The following PALMD variants were observed in gnomAD, a reference collection of about 807,000 sequenced individuals.
PALMD encodes the protein paralemmin-like protein.
Under a neutral mutation model 56.2 loss-of-function variants are expected in PALMD, and 42 were observed. The observed-to-expected ratio is 0.75, with a 90% CI of 0.58 to 0.97. PALMD has a LOEUF of 0.97. Ranked by LOEUF, PALMD falls within the 50% of genes least tolerant of loss-of-function variation. The pLI is 0.00. For missense variants in PALMD, 660 were observed against 643.8 expected, an observed-to-expected ratio of 1.03 and a Z score of -0.27; for synonymous variants, 242 against 222.9, an observed-to-expected ratio of 1.09 and a Z score of -0.76.
rs1652880626 is a variant in PALMD, at chr1:99,662,921, T to G, written c.126+522T>G. The stretch of plus-strand genomic sequence containing the variant: ...ACATGAGATCATAACCAGAAATAAC[T>G]TTCCATGTTTAAAATCAGATTTTAC... On this transcript the variant is annotated intron_variant, in intron 2 of 7. Coordinates refer to ENST00000263174, the MANE Select transcript of PALMD (RefSeq NM_017734.5). Among the ~76,000 whole-genome samples, 3 of 152,142 alleles carry G rather than the reference T, an allele frequency of 2.0e-5. No homozygotes were observed. In the South Asian group the frequency reaches 6.2e-4, roughly 31 times the overall value.
intron 1 of PALMD, among the ~76,000 whole-genome samples, chr1:99,658,847 G>A (rs1652785586): frequency 6.6e-6 from 1 of 152,046 alleles, no homozygotes; most frequent in Admixed American, 6.6e-5. Context: ...TTGAGAGGCT[G>A]AGGCAGGAGG....
In PALMD at chr1:99,646,195, G is replaced by A. The variant is rs1652439954; in HGVS notation, c.-123G>A. ...TCGGGAATTTCTCTATTTCTCCACT[G>A]GTGCAAAGAGCGGATTTCTCCCTGC... On this transcript the variant is annotated 5_prime_UTR_variant, in exon 1 of 8. Coordinates refer to ENST00000263174, the MANE Select transcript of PALMD (RefSeq NM_017734.5). 1.3e-6 allele frequency: 1 copy of A among 769,290 alleles called. No individual in the cohort carries two copies. The highest frequency in any genetic ancestry group is 2.0e-5 in the Admixed American group (1 of 50,312). The allele number at this position is 769,290 out of a possible 1,614,324, so 47.7% of individuals were successfully genotyped here.
At position 99,683,150 on chromosome 1, in the gene PALMD, GAAAGAAAGAAAGAAA is replaced by G. The variant is rs1557674095; in HGVS notation, c.252-3525_252-3511del. The G allele has an allele frequency of 5.3e-3, 609 of 114,184 alleles. 35 individuals are homozygous for G. The highest frequency in any genetic ancestry group is 0.017 in the African/African-American group (324 of 19,344). The allele number at this position is 114,184 out of a possible 1,614,324, so 7.1% of individuals were successfully genotyped here. A position where few individuals can be genotyped will look rare whatever the true frequency, so the allele number is the denominator to read the frequency against. On this transcript the variant is annotated intron_variant, in intron 3 of 7. Coordinates refer to ENST00000263174, the MANE Select transcript of PALMD (RefSeq NM_017734.5). ...AGAAAGAAAGAAAGAAAGAAAGAAA[GAAAGAAAGAAAGAAA>G]GAAACGAACACCCTATGAAGTTGTT...
chr1:99,654,140 C>T (rs77215739), intron 1 of PALMD, among the ~76,000 whole-genome samples: 3 of 152,022 alleles, frequency 2.0e-5, no homozygotes, highest in Non-Finnish European at 4.4e-5. Context: ...ACCACTCGAT[C>T]AATCACGTGA....
intron 3 of PALMD, among the ~76,000 whole-genome samples, chr1:99,681,117 G>C (rs1362944378): frequency 7.2e-6 from 1 of 139,266 alleles, no homozygotes; most frequent in African/African-American, 3.2e-5. Flanking sequence ...GTGTGTGTGT[G>C]TGTGTGTGTG....
At chr1:99,656,287 G>C (rs12089665) in intron 1 of PALMD, among the ~76,000 whole-genome samples, 1,627 of 152,042 alleles carry the variant, frequency 0.011, 30 homozygotes, top group African/African-American at 0.037. Context: ...TCTCAAGAAT[G>C]GTAAAATATA....
In PALMD at chr1:99,689,638, A is replaced by C. The variant is rs565037478; in HGVS notation, c.1378A>C (p.Lys460Gln). ...EEEEDEGEAE[K>Q]PSYHPIAPHS... ...GGAGGAGGATGAAGGAGAAGCAGAG[A>C]AACCGTCCTACCACCCCATAGCTCC... Residue 460 changes from lysine (K) to glutamine (Q), a missense_variant, in exon 7 of 8, where the codon AAA (lysine) becomes CAA (glutamine). Physicochemically the swap from Lys to Gln is moderately conservative, Grantham distance 53. Transcript: ENST00000263174. The C allele has an allele frequency of 3.4e-5, 55 of 1,613,532 alleles. No individual in the cohort carries two copies. Among genetic ancestry groups the C allele is most frequent in the Middle Eastern group, 1.6e-4 (1 of 6,078 alleles).
chr1:99,673,122 A>G (rs1384059685), intron 3 of PALMD, among the ~76,000 whole-genome samples: 1 of 152,212 alleles, frequency 6.6e-6, no homozygotes, highest in Non-Finnish European at 1.5e-5. Flanking sequence ...ATTCTGCTCA[A>G]TATCATGTAA....
chr1:99,686,709 T>G lies in PALMD; in HGVS notation c.285T>G (p.Ala95=). Residue 95 remains alanine, a synonymous_variant, in exon 4 of 8, where the codon GCT becomes GCG. Coordinates refer to ENST00000263174, the MANE Select transcript of PALMD (RefSeq NM_017734.5). Reference sequence around the variant, plus strand: ...AAGAGATCCAAGATCTTGAAAAAGCTGAACTGCAAATCTCAACGAAGGAAG... The same window carrying G: ...AAGAGATCCAAGATCTTGAAAAAGCGGAACTGCAAATCTCAACGAAGGAAG... The part of the protein sequence containing the change: ...LEKEIQDLEK[A]ELQISTKEEA... 6.2e-7 allele frequency: 1 copy of G among 1,605,806 alleles called. No homozygotes were observed. The highest frequency in any genetic ancestry group is 1.1e-5 in the South Asian group (1 of 90,126).
chr1:99,662,257 C>A, intron 1 of PALMD, 62 bp from the exon 2 acceptor site: 1 of 879,834 alleles, frequency 1.1e-6, no homozygotes. Flanking sequence ...TGACAACAAC[C>A]CCAAGGAAAC....
chr1:99,658,573 C>T (rs189834811), intron 1 of PALMD, among the ~76,000 whole-genome samples: 19 of 151,850 alleles, frequency 1.3e-4, no homozygotes, highest in Non-Finnish European at 2.5e-4. Context: ...AGATCGAGAC[C>T]ATCCTGACTA....
chr1:99,683,080 GAGAGAGAGAGAAAGAAAGAA>G (rs1231218317), intron 3 of PALMD, among the ~76,000 whole-genome samples: 41 of 16,878 alleles, frequency 2.4e-3, no homozygotes, highest in South Asian at 9.1e-3. Context: ...GAGAGAGAGA[GAGAGAGAGAGAAAGAAAGAA>G]AGAAAGAAAG....
chr1:99,657,660 A>G (rs1234356372), intron 1 of PALMD, among the ~76,000 whole-genome samples: 2 of 152,220 alleles, frequency 1.3e-5, no homozygotes, highest in Non-Finnish European at 2.9e-5. Context: ...ATATGTAAAT[A>G]AATTCTGAAC....
At position 99,676,639 on chromosome 1, in the gene PALMD, G is replaced by A. The variant is rs12063518; in HGVS notation, c.251+8873G>A. ...TACCCACTTATACGTTAGAACACGT[G>A]GTATTTGTCTGTTTCTGAGTTATTT... is the stretch of plus-strand genomic sequence containing the variant. On this transcript the variant is annotated intron_variant, in intron 3 of 7. Coordinates refer to ENST00000263174, the MANE Select transcript of PALMD (RefSeq NM_017734.5). 4.4e-3 allele frequency among the ~76,000 whole-genome samples: 669 copies of A among 151,892 alleles called. 9 individuals are homozygous for A. The highest frequency in any genetic ancestry group is 0.015 in the African/African-American group (633 of 41,412).
rs1243713206 is a variant in PALMD at position 99,689,682 on chromosome 1, G to A, written c.1422G>A (p.Gln474=). ...HPIAPHSQVY[Q]PAKPTPLPRK... ...TAGCTCCCCATAGTCAGGTGTACCA[G>A]CCAGCCAAACCAACACCACTTCCTA... The change falls in exon 7 of 8, where the codon CAG becomes CAA. Residue 474 remains glutamine (Q), a synonymous_variant. Coordinates refer to ENST00000263174, the MANE Select transcript of PALMD (RefSeq NM_017734.5). 2 of 1,613,658 alleles carry A rather than the reference G, an allele frequency of 1.2e-6. No homozygotes were observed. The highest frequency in any genetic ancestry group is 2.7e-5 in the African/African-American group (2 of 74,876).
At chr1:99,670,008 A>G (rs1228589629) in intron 3 of PALMD, among the ~76,000 whole-genome samples, 1 of 152,244 alleles carries the variant, frequency 6.6e-6, no homozygotes, top group Non-Finnish European at 1.5e-5. Context: ...GACTCATTTG[A>G]CTACTCCACA....
chr1:99,686,909 G>A (rs749574800), intron 4 of PALMD, 21 bp from the exon 5 acceptor site: 1 of 1,531,372 alleles, frequency 6.5e-7, no homozygotes, highest in Non-Finnish European at 9.0e-7. Flanking sequence ...ATTAATCATG[G>A]AGAATTCTTT....
intron 1 of PALMD, among the ~76,000 whole-genome samples, chr1:99,655,367 T>C (rs546388462): frequency 6.6e-6 from 1 of 152,246 alleles, no homozygotes; most frequent in East Asian, 1.9e-4. Flanking sequence ...TCTGCAGATC[T>C]TAAAATAATT....
chr1:99,687,046 A>C (rs777794316), intron 5 of PALMD, 30 bp from the exon 6 acceptor site: 19 of 1,532,088 alleles, frequency 1.2e-5, no homozygotes, highest in African/African-American at 1.4e-5. Flanking sequence ...TATATTCTAA[A>C]TGTATTTTGA....
Sources: gnomAD v4.1 joint callset for allele counts (sites outside exome capture counted in the v4.1 genomes callset) on GRCh38, gnomAD v4.1.1 for gene constraint, MANE v1.5 for transcripts, NCBI Gene and HGNC (gene_info 2026-07-23, HGNC 2026-07-21) for gene names.